The following ANKRD17 variants were observed in gnomAD, a reference collection of about 807,000 sequenced individuals.
The protein encoded by ANKRD17 is ankyrin repeat domain-containing protein 17.
ANKRD17 carries 19 observed loss-of-function variants against 229.7 expected under a neutral mutation model. That is an observed-to-expected ratio of 0.08 (90% CI 0.06 to 0.12). The LOEUF (loss-of-function observed/expected upper bound fraction) is 0.12, where lower values mean the gene tolerates loss of function less well. Among genes scored for constraint, ANKRD17 ranks in the 10% least tolerant of loss-of-function variants. The pLI is 1.00. For missense variants in ANKRD17, 2,176 were observed against 3,176.8 expected, an observed-to-expected ratio of 0.68 and a Z score of 7.57; for synonymous variants, 1,112 against 1,146.1, an observed-to-expected ratio of 0.97 and a Z score of 0.60.
At chr4:73,094,859 A>C (rs1436778486) in intron 27 of ANKRD17, among the ~76,000 whole-genome samples, 1 of 152,040 alleles carries the variant, frequency 6.6e-6, no homozygotes, top group South Asian at 2.1e-4. Flanking sequence ...TCTAATATAC[A>C]TAACTCAAAG....
Position 73,098,163 on chromosome 4 carries a change from G to A in ANKRD17, c.4931C>T (p.Thr1644Ile). 2 of 1,614,210 alleles carry A rather than the reference G, an allele frequency of 1.2e-6. No homozygotes were observed. Among genetic ancestry groups the A allele is most frequent in the Non-Finnish European group, 1.7e-6 (2 of 1,180,032 alleles). Residue 1644 changes from threonine (T) to isoleucine (I), a missense_variant, in exon 26 of 34, where the codon ACT (threonine) becomes ATT (isoleucine). Transcript: ENST00000358602. ...KSDNHSPAVV[T>I]TTVSSKKQPS... Reference sequence around the variant, plus strand: ...CTGCTTTTTGCTGCTCACAGTGGTAGTGACCACAGCTGGTGAATGATTGTC... The same window carrying A: ...CTGCTTTTTGCTGCTCACAGTGGTAATGACCACAGCTGGTGAATGATTGTC...
At chr4:73,141,916 T>C (rs1393374836) in intron 13 of ANKRD17, 73 bp from the exon 14 acceptor site, 9 of 1,139,092 alleles carry the variant, frequency 7.9e-6, no homozygotes, top group African/African-American at 1.6e-5. Flanking sequence ...AAATAAAGAA[T>C]AAATTAGAGA....
intron 1 of ANKRD17, among the ~76,000 whole-genome samples, chr4:73,244,291 C>T (rs1001364900): frequency 7.9e-5 from 12 of 152,004 alleles, no homozygotes; most frequent in Non-Finnish European, 1.6e-4. Context: ...ACAGTTCAGC[C>T]CATAACAGGC....
At chr4:73,136,883 G>C (rs1476193730) in intron 15 of ANKRD17, among the ~76,000 whole-genome samples, 1 of 150,120 alleles carries the variant, frequency 6.7e-6, no homozygotes, top group Non-Finnish European at 1.5e-5. Flanking sequence ...ATACTAAACA[G>C]GTTAAAAAAA....
intron 1 of ANKRD17, among the ~76,000 whole-genome samples, chr4:73,251,038 C>T (rs1000977349): frequency 6.6e-6 from 1 of 151,972 alleles, no homozygotes; most frequent in African/African-American, 2.4e-5. Context: ...TGGGAGCCTG[C>T]GGCAGGAGGA....
At chr4:73,247,870 A>G (rs1744640210) in intron 1 of ANKRD17, among the ~76,000 whole-genome samples, 2 of 152,152 alleles carry the variant, frequency 1.3e-5, no homozygotes, top group East Asian at 3.9e-4. Flanking sequence ...GAAAAGACGT[A>G]TTTCAGGTAA....
intron 1 of ANKRD17, among the ~76,000 whole-genome samples, chr4:73,211,931 T>A (rs571782285): frequency 1.3e-4 from 19 of 151,960 alleles, no homozygotes; most frequent in African/African-American, 4.1e-4. Context: ...ACAACTAAAT[T>A]TTAGAGATTA....
At position 73,131,314 on chromosome 4, in the gene ANKRD17, A is replaced by G. The variant is rs190249856; in HGVS notation, c.3234+3803T>C. On this transcript the variant is annotated intron_variant, in intron 16 of 33. Coordinates refer to ENST00000358602, the MANE Select transcript of ANKRD17 (RefSeq NM_032217.5). ...ATTTGTCAAGGATCAGAAATAAAAC[A>G]TATGATTCCTGCTAATCCTTGTTAA... is the stretch of plus-strand genomic sequence containing the variant. Among the ~76,000 whole-genome samples, 363 of 152,358 alleles carry G rather than the reference A, an allele frequency of 2.4e-3. 1 individual carries two copies. Among genetic ancestry groups the G allele is most frequent in the African/African-American group, 8.5e-3 (353 of 41,578 alleles).
At chr4:73,129,716 TCAACAA>T (rs112066324) in intron 16 of ANKRD17, among the ~76,000 whole-genome samples, 5 of 150,536 alleles carry the variant, frequency 3.3e-5, no homozygotes, top group African/African-American at 1.2e-4. Context: ...AGACCCTGTC[TCAACAA>T]CAACAACAAC....
rs755121536 is a variant in ANKRD17 at position 73,121,139 on chromosome 4, T to C, written c.3636-45A>G. ...GAAAACAAATGGAAAAATATATATTTTAAATGACAGAAAAATTGGAGATGA... is the reference window on the plus strand; with the variant it reads ...GAAAACAAATGGAAAAATATATATTCTAAATGACAGAAAAATTGGAGATGA... On this transcript the variant is annotated intron_variant, in intron 19 of 33. Transcript: ENST00000358602. 1.3e-5 allele frequency: 20 copies of C among 1,487,720 alleles called. No homozygotes were observed. The East Asian group carries it at 4.3e-4, about 32-fold the overall frequency. 92.2% of individuals were successfully genotyped at this position (1,487,720 alleles called of 1,614,324 possible).
At chr4:73,097,444 T>C (rs1448548654) in intron 26 of ANKRD17, among the ~76,000 whole-genome samples, 172 bp from the exon 27 acceptor site, 2 of 152,118 alleles carry the variant, frequency 1.3e-5, no homozygotes, top group Non-Finnish European at 2.9e-5. Flanking sequence ...CTTTTTTTTT[T>C]TTTCTTTTTG....
intron 13 of ANKRD17, 24 bp from the exon 14 acceptor site, chr4:73,141,867 C>T (rs752245161): frequency 6.4e-6 from 10 of 1,567,446 alleles, no homozygotes; most frequent in Non-Finnish European, 8.8e-6. Flanking sequence ...CACTAAGTGA[C>T]TATTAGTGTC....
chr4:73,177,621 G>T, intron 1 of ANKRD17, 88 bp from the exon 2 acceptor site: 1 of 1,015,834 alleles, frequency 9.8e-7, no homozygotes, highest in Non-Finnish European at 1.4e-6. Flanking sequence ...AAGCAGGGGA[G>T]GGAAAAAATA....
chr4:73,099,489 C>G (rs773715260), intron 25 of ANKRD17, among the ~76,000 whole-genome samples: 6 of 152,234 alleles, frequency 3.9e-5, no homozygotes, highest in Non-Finnish European at 5.9e-5. Context: ...AGTAGCAACA[C>G]TGCTCTCTGG....
chr4:73,193,003 C>T (rs149670001), intron 1 of ANKRD17, among the ~76,000 whole-genome samples: 6 of 152,074 alleles, frequency 3.9e-5, no homozygotes, highest in East Asian at 1.9e-4. Context: ...TACAAATCTA[C>T]GAATTTTGAA....
chr4:73,207,024 A>C (rs188745335), intron 1 of ANKRD17, among the ~76,000 whole-genome samples: 5 of 152,234 alleles, frequency 3.3e-5, no homozygotes, highest in South Asian at 2.1e-4. Context: ...GGGTTTCGCC[A>C]TGTTGGCCAG....
rs867533466 is a variant in ANKRD17 at position 73,177,273 on chromosome 4, G to A, written c.547+107C>T. On this transcript the variant is annotated intron_variant, in intron 2 of 33. Transcript: ENST00000358602. ...AGTAATCAATTAACCTTTATTAATA[G>A]TATCATTCTAAATACCCAATATCAT... 38 of 1,068,818 alleles carry A rather than the reference G, an allele frequency of 3.6e-5. 1 individual carries two copies. In the African/African-American group the frequency reaches 5.8e-4, roughly 16 times the overall value. 66.2% of individuals were successfully genotyped at this position (1,068,818 alleles called of 1,614,324 possible).
chr4:73,105,971 A>T (rs1311433884), intron 24 of ANKRD17, among the ~76,000 whole-genome samples: 1 of 152,334 alleles, frequency 6.6e-6, no homozygotes, highest in African/African-American at 2.4e-5. Flanking sequence ...AACCATGAAG[A>T]TTCAAATACG....
At chr4:73,212,106 T>C (rs1740350384) in intron 1 of ANKRD17, among the ~76,000 whole-genome samples, 1 of 151,992 alleles carries the variant, frequency 6.6e-6, no homozygotes, top group Non-Finnish European at 1.5e-5. Context: ...CCAAGGAGAG[T>C]CTAAACACAC....
Sources: gnomAD v4.1 joint callset for allele counts (sites outside exome capture counted in the v4.1 genomes callset) on GRCh38, gnomAD v4.1.1 for gene constraint, MANE v1.5 for transcripts, NCBI Gene and HGNC (gene_info 2026-07-23, HGNC 2026-07-21) for gene names.